The following SHTN1 variants were observed in gnomAD, a reference collection of about 807,000 sequenced individuals.
SHTN1 encodes shootin 1.
A neutral mutation model predicts 83.1 loss-of-function variants in SHTN1; 42 were observed. The ratio of observed to expected loss-of-function variants is 0.51; its 90% CI spans 0.39 to 0.65. The LOEUF (loss-of-function observed/expected upper bound fraction) is 0.65. Among genes scored for constraint, SHTN1 ranks in the 30% least tolerant of loss-of-function variants. The pLI, the probability that SHTN1 is intolerant of heterozygous loss-of-function variation, is 0.00. For synonymous variants in SHTN1, 224 were observed against 247.7 expected, an observed-to-expected ratio of 0.90 and a Z score of 0.90; for missense variants, 622 against 737.8, an observed-to-expected ratio of 0.84 and a Z score of 1.82.
At chr10:116,901,525 G>A (rs1487042053) in intron 16 of SHTN1, 1 of 985,160 alleles carries the variant, frequency 1.0e-6, no homozygotes, top group African/African-American at 1.7e-5. Context: ...AGAAGAACCT[G>A]ATTACCAAAC....
At chr10:116,940,347 A>C (rs1222761971) in intron 9 of SHTN1, 119 bp downstream of exon 9, 11 of 1,050,210 alleles carry the variant, frequency 1.0e-5, no homozygotes, top group Non-Finnish European at 1.5e-5. Context: ...TTAGTAACTA[A>C]GGCAAAATAT....
intron 6 of SHTN1, among the ~76,000 whole-genome samples, chr10:116,951,269 A>C (rs1279448035): frequency 6.6e-6 from 1 of 152,196 alleles, no homozygotes; most frequent in Non-Finnish European, 1.5e-5. Context: ...AAAAATTTTT[A>C]AAAATCAGGC....
chr10:116,954,391 A>T (rs1403227887), intron 4 of SHTN1, among the ~76,000 whole-genome samples, 181 bp from the exon 5 acceptor site: 4 of 152,342 alleles, frequency 2.6e-5, no homozygotes, highest in African/African-American at 9.6e-5. Context: ...TTTAACCAAG[A>T]TCTGATGTCT....
At chr10:116,894,882 A>C (rs1847461204) in intron 16 of SHTN1, among the ~76,000 whole-genome samples, 1 of 152,192 alleles carries the variant, frequency 6.6e-6, no homozygotes, top group South Asian at 2.1e-4. Flanking sequence ...TGAAACTCTT[A>C]AGCCTCTGCC....
At chr10:117,048,631 T>C (rs1852700347) in intron 1 of SHTN1, 1 of 221,570 alleles carries the variant, frequency 4.5e-6, no homozygotes, top group Admixed American at 6.5e-5. Flanking sequence ...TTATAACTAG[T>C]TATTCTTCAA....
At chr10:117,099,044 A>ACACACACACC (rs1491497825) in intron 1 of SHTN1, among the ~76,000 whole-genome samples, 1 of 149,490 alleles carries the variant, frequency 6.7e-6, no homozygotes, top group Non-Finnish European at 1.5e-5. Flanking sequence ...ACACACACAC[A>ACACACACACC]CCATAAAAAG....
intron 16 of SHTN1, among the ~76,000 whole-genome samples, chr10:116,898,434 TTTAATC>T (rs1847599388): frequency 6.6e-6 from 1 of 152,112 alleles, no homozygotes; most frequent in Non-Finnish European, 1.5e-5. Flanking sequence ...CATTATCAGA[TTTAATC>T]TTAATCAACA....
chr10:117,099,043 C>CACACACACA (rs975155213), intron 1 of SHTN1, among the ~76,000 whole-genome samples: 17 of 150,776 alleles, frequency 1.1e-4, no homozygotes, highest in African/African-American at 3.7e-4. Context: ...CACACACACA[C>CACACACACA]ACCATAAAAA....
intron 4 of SHTN1, among the ~76,000 whole-genome samples, chr10:116,957,420 A>G (rs1850024505): frequency 6.6e-6 from 1 of 151,618 alleles, no homozygotes; most frequent in Non-Finnish European, 1.5e-5. Context: ...CGCCCAGCTA[A>G]GCTTTGCATT....
chr10:116,905,125 C>G (rs1847914742), intron 15 of SHTN1, among the ~76,000 whole-genome samples: 1 of 150,872 alleles, frequency 6.6e-6, no homozygotes, highest in Non-Finnish European at 1.5e-5. Context: ...GGCGTTGAAC[C>G]CGGGAAGCGG....
intron 8 of SHTN1, among the ~76,000 whole-genome samples, chr10:116,942,265 T>C (rs1849403448): frequency 6.6e-6 from 1 of 151,546 alleles, no homozygotes; most frequent in Non-Finnish European, 1.5e-5. Context: ...CAGGCTGGAG[T>C]GCAGTGGCAC....
intron 2 of SHTN1, among the ~76,000 whole-genome samples, chr10:117,046,830 G>T (rs1668814955): frequency 6.6e-6 from 1 of 152,120 alleles, no homozygotes. Flanking sequence ...ATGAGTAGTT[G>T]CCAGGAGCTG....
At chr10:117,029,016 A>G (rs1478366440) in intron 2 of SHTN1, among the ~76,000 whole-genome samples, 1 of 152,188 alleles carries the variant, frequency 6.6e-6, no homozygotes, top group Admixed American at 6.5e-5. Flanking sequence ...CCAGCACTCA[A>G]TGCCAGCCCA....
At chr10:117,082,889 G>A (rs1274046795) in intron 1 of SHTN1, among the ~76,000 whole-genome samples, 1 of 151,002 alleles carries the variant, frequency 6.6e-6, no homozygotes, top group Admixed American at 6.7e-5. Flanking sequence ...CATTTGCTTG[G>A]TAGATCTTCC....
chr10:117,102,211 A>C (rs1383483293), intron 1 of SHTN1, among the ~76,000 whole-genome samples: 1 of 152,172 alleles, frequency 6.6e-6, no homozygotes. Flanking sequence ...GTGACAGAGG[A>C]ACTCACGAAG....
intron 2 of SHTN1, among the ~76,000 whole-genome samples, chr10:117,017,839 T>A (rs1787374889): frequency 6.6e-6 from 1 of 152,174 alleles, no homozygotes; most frequent in African/African-American, 2.4e-5. Flanking sequence ...AAGTCATATT[T>A]ATTAACTTAC....
At chr10:117,089,656 C>T (rs1853400180) in intron 1 of SHTN1, among the ~76,000 whole-genome samples, 1 of 151,948 alleles carries the variant, frequency 6.6e-6, no homozygotes, top group Admixed American at 6.6e-5. Flanking sequence ...GAGAAGAAAA[C>T]ATACGGAATG....
chr10:117,042,767 C>T (rs1852604896), intron 2 of SHTN1, among the ~76,000 whole-genome samples: 1 of 151,998 alleles, frequency 6.6e-6, no homozygotes, highest in Non-Finnish European at 1.5e-5. Flanking sequence ...AGGCGTACAC[C>T]ACCACACCCA....
chr10:116,900,511 G>A (rs1847692558), intron 16 of SHTN1: 1 of 1,504,004 alleles, frequency 6.6e-7, no homozygotes, highest in African/African-American at 1.4e-5. Flanking sequence ...AAAGGAGGAA[G>A]GAGTTGCAGT....
Sources: allele counts gnomAD v4.1 joint callset (sites outside exome capture counted in the v4.1 genomes callset), GRCh38; gene constraint gnomAD v4.1.1; transcripts MANE v1.5; gene names NCBI Gene and HGNC (gene_info 2026-07-23, HGNC 2026-07-21).